Variants in GHR observed in about 807,000 individuals in gnomAD.
GHR encodes GH receptor.
In GHR, 35 loss-of-function variants were observed where a neutral mutation model predicts 67.1. The ratio of observed to expected loss-of-function variants is 0.52; its 90% CI spans 0.40 to 0.69. The LOEUF (loss-of-function observed/expected upper bound fraction) is 0.69. Among genes scored for constraint, GHR ranks in the 30% least tolerant of loss-of-function variants. The pLI, the probability that GHR is intolerant of heterozygous loss-of-function variation, is 0.00. For missense variants in GHR, 792 were observed against 764.6 expected, an observed-to-expected ratio of 1.04 and a Z score of -0.42; for synonymous variants, 272 against 269.1, an observed-to-expected ratio of 1.01 and a Z score of -0.10.
At chr5:42,587,953 A>G (rs73085440) in intron 2 of GHR, among the ~76,000 whole-genome samples, 5,433 of 152,246 alleles carry the variant, frequency 0.036, 331 homozygotes, top group African/African-American at 0.12. Flanking sequence ...ACTGAGGGCC[A>G]AGCTTCTGAT....
intron 1 of GHR, among the ~76,000 whole-genome samples, chr5:42,504,324 AG>A (rs1484818171): frequency 6.6e-6 from 1 of 152,182 alleles, no homozygotes; most frequent in East Asian, 1.9e-4. Context: ...GCAGGAAGAA[AG>A]AAATGGGGAC....
chr5:42,527,067 A>G (rs1747735918), intron 1 of GHR, among the ~76,000 whole-genome samples: 1 of 152,168 alleles, frequency 6.6e-6, no homozygotes, highest in African/African-American at 2.4e-5. Flanking sequence ...CTTATAAGAG[A>G]TCTTGAAAGG....
At chr5:42,488,541 T>G (rs1253628429) in intron 1 of GHR, among the ~76,000 whole-genome samples, 1 of 152,220 alleles carries the variant, frequency 6.6e-6, no homozygotes, top group Non-Finnish European at 1.5e-5. Context: ...GCTCGTATTG[T>G]GACATCTCAA....
chr5:42,447,561 A>G (rs116606586), intron 1 of GHR, among the ~76,000 whole-genome samples: 5,188 of 152,110 alleles, frequency 0.034, 132 homozygotes, highest in Non-Finnish European at 0.048. Flanking sequence ...TATTTTTGCA[A>G]TGGCAAACTG....
intron 1 of GHR, among the ~76,000 whole-genome samples, chr5:42,550,388 G>C (rs907436847): frequency 6.6e-6 from 1 of 152,042 alleles, no homozygotes; most frequent in Non-Finnish European, 1.5e-5. Context: ...CCTCCCCAAG[G>C]TTCCCCTGGG....
At chr5:42,465,081 G>A (rs1744666370) in intron 1 of GHR, among the ~76,000 whole-genome samples, 1 of 152,158 alleles carries the variant, frequency 6.6e-6, no homozygotes, top group African/African-American at 2.4e-5. Context: ...GGGATTTCTG[G>A]TGCTGTGTGA....
chr5:42,532,910 A>G (rs1748041727), intron 1 of GHR, among the ~76,000 whole-genome samples: 1 of 152,080 alleles, frequency 6.6e-6, no homozygotes, highest in Non-Finnish European at 1.5e-5. Context: ...CTTTTTATAC[A>G]TTTCCCTCAG....
chr5:42,601,933 G>A lies in GHR; in HGVS notation c.71-27105G>A, dbSNP rs149344124. Among the ~76,000 whole-genome samples, 659 of 152,112 alleles carry A rather than the reference G, an allele frequency of 4.3e-3. 4 individuals are homozygous for A. The highest frequency in any genetic ancestry group is 0.015 in the African/African-American group (637 of 41,546). ...TCTGGTCTGAGAATTTTAGAAACAT[G>A]AAAAGAAAGAGGGAGGGAGACCAAC... On this transcript the variant is annotated intron_variant, in intron 2 of 9. Transcript: ENST00000230882.
intron 1 of GHR, among the ~76,000 whole-genome samples, chr5:42,497,076 G>T (rs1002575107): frequency 1.3e-5 from 2 of 152,140 alleles, no homozygotes; most frequent in South Asian, 2.1e-4. Flanking sequence ...TCTCATATCT[G>T]CCTGGTGTCC....
intron 1 of GHR, among the ~76,000 whole-genome samples, chr5:42,532,743 A>G (rs921052009): frequency 3.3e-5 from 5 of 152,164 alleles, no homozygotes; most frequent in Admixed American, 3.3e-4. Flanking sequence ...TTTTATTTTC[A>G]GAATTTACCC....
chr5:42,516,539 T>C (rs1747247325), intron 1 of GHR, among the ~76,000 whole-genome samples: 1 of 151,764 alleles, frequency 6.6e-6, no homozygotes, highest in Non-Finnish European at 1.5e-5. Flanking sequence ...GGTAAGATAA[T>C]ACAGGAAAAG....
At chr5:42,666,571 T>A (rs148554208) in intron 3 of GHR, among the ~76,000 whole-genome samples, 5 of 152,184 alleles carry the variant, frequency 3.3e-5, no homozygotes, top group African/African-American at 1.2e-4. Context: ...TTAATTAAAA[T>A]GGAATAAAAT....
intron 3 of GHR, among the ~76,000 whole-genome samples, chr5:42,652,715 T>C (rs1398337831): frequency 6.6e-6 from 1 of 152,186 alleles, no homozygotes; most frequent in Non-Finnish European, 1.5e-5. Context: ...AAATCATTAA[T>C]AGTGCTGTAA....
At chr5:42,625,560 T>C (rs1171841091) in intron 2 of GHR, among the ~76,000 whole-genome samples, 1 of 151,866 alleles carries the variant, frequency 6.6e-6, no homozygotes, top group African/African-American at 2.4e-5. Context: ...TACAGCTTGG[T>C]TTTATATATT....
intron 1 of GHR, among the ~76,000 whole-genome samples, chr5:42,470,965 T>A (rs185347123): frequency 6.6e-6 from 1 of 152,124 alleles, no homozygotes; most frequent in East Asian, 1.9e-4. Flanking sequence ...TTGAAAAAAA[T>A]TTTCATTATA....
rs193264818 is a variant in GHR, at chr5:42,468,364, C to T, written c.-12+44409C>T. 4.1e-4 allele frequency: 590 copies of T among 1,427,722 alleles called. 2 individuals carry two copies. In the African/African-American group the frequency reaches 7.8e-3, roughly 19 times the overall value. The allele number at this position is 1,427,722 out of a possible 1,614,324, so 88.4% of individuals were successfully genotyped here. A position where few individuals can be genotyped will look rare whatever the true frequency, so the allele number is the denominator to read the frequency against. ...GGGGAACGCCTATAGCTGGGAGCTG[C>T]CCAGCACAGGTCAAACCCCATCTAA... On this transcript the variant is annotated intron_variant, in intron 1 of 9. Transcript: ENST00000230882.
chr5:42,618,678 A>T (rs1017129061), intron 2 of GHR, among the ~76,000 whole-genome samples: 1 of 152,176 alleles, frequency 6.6e-6, no homozygotes, highest in Non-Finnish European at 1.5e-5. Context: ...AATCAGAAGC[A>T]CTTAACTTAC....
chr5:42,579,151 T>TGATAG lies in GHR; in HGVS notation c.70+13207_70+13208insGATAG, dbSNP rs1554021883. The stretch of plus-strand genomic sequence containing the variant: ...GATAGATAGATAGATGATAGATAGA[T>TGATAG]ATAGATAGATAGATAGATAGATAGA... On this transcript the variant is annotated intron_variant, in intron 2 of 9. Coordinates refer to ENST00000230882, the MANE Select transcript of GHR (RefSeq NM_000163.5). Among the ~76,000 whole-genome samples the TGATAG allele has an allele frequency of 1.6e-3, 138 of 88,286 alleles. 1 individual carries two copies. Among genetic ancestry groups the TGATAG allele is most frequent in the Non-Finnish European group, 2.5e-3 (103 of 41,562 alleles). 57.9% of individuals were successfully genotyped at this position (88,286 alleles called of 152,430 possible).
At chr5:42,633,761 T>C (rs998151252) in intron 3 of GHR, among the ~76,000 whole-genome samples, 1 of 152,232 alleles carries the variant, frequency 6.6e-6, no homozygotes, top group African/African-American at 2.4e-5. Context: ...TTTTCTAGCC[T>C]TATCTCCCTT....
Sources: gnomAD v4.1 joint callset for allele counts (sites outside exome capture counted in the v4.1 genomes callset) on GRCh38, gnomAD v4.1.1 for gene constraint, MANE v1.5 for transcripts, NCBI Gene and HGNC (gene_info 2026-07-23, HGNC 2026-07-21) for gene names.